ST6GAL1: variants seen among roughly 807,000 people sequenced by gnomAD.
ST6GAL1 encodes ST6 beta-galactoside alpha-2,6-sialyltransferase 1.
ST6GAL1 carries 20 observed loss-of-function variants against 38.0 expected under a neutral mutation model. That is an observed-to-expected ratio of 0.53 (90% CI 0.37 to 0.77). The LOEUF (loss-of-function observed/expected upper bound fraction) is 0.77, where lower values mean the gene tolerates loss of function less well. Ranked by LOEUF, ST6GAL1 falls within the 30% of genes least tolerant of loss-of-function variation. ST6GAL1 has a pLI of 0.00. For synonymous variants in ST6GAL1, 196 were observed against 188.2 expected (o/e 1.04, Z -0.34); for missense variants, 432 against 496.4 (o/e 0.87, Z 1.23).
rs58334319 is a variant in ST6GAL1, at chr3:187,065,005, CTT to C, written c.706-7830_706-7829del. On this transcript the variant is annotated intron_variant, in intron 5 of 7. Coordinates refer to ENST00000169298, the MANE Select transcript of ST6GAL1 (RefSeq NM_173216.2). ...TCCTGACAGCAGCTCTCTTCTTTTTCTTTTTTTTTTTTTTTGAGACAGAGTTT... is the reference window on the plus strand; with the variant it reads ...TCCTGACAGCAGCTCTCTTCTTTTTCTTTTTTTTTTTTTGAGACAGAGTTT... 1.8e-3 allele frequency among the ~76,000 whole-genome samples: 253 copies of C among 139,252 alleles called. 1 individual carries two copies. Among genetic ancestry groups the C allele is most frequent in the African/African-American group, 1.8e-3 (70 of 38,170 alleles). The allele number at this position is 139,252 out of a possible 152,430, so 91.4% of individuals were successfully genotyped here. A position where few individuals can be genotyped will look rare whatever the true frequency, so the allele number is the denominator to read the frequency against.
intron 1 of ST6GAL1, among the ~76,000 whole-genome samples, chr3:186,937,032 T>C (rs1490830463): frequency 1.3e-5 from 2 of 149,630 alleles, no homozygotes; most frequent in African/African-American, 4.9e-5. Flanking sequence ...CAGAAAAAAA[T>C]TCCGCTATCC....
At chr3:186,965,377 G>A (rs1300953634) in intron 2 of ST6GAL1, among the ~76,000 whole-genome samples, 1 of 152,180 alleles carries the variant, frequency 6.6e-6, no homozygotes, top group East Asian at 1.9e-4. Flanking sequence ...CCCTGCTGTT[G>A]CAGCAGATTA....
At chr3:186,954,398 A>T (rs958325463) in intron 1 of ST6GAL1, among the ~76,000 whole-genome samples, 2 of 152,088 alleles carry the variant, frequency 1.3e-5, no homozygotes, top group Non-Finnish European at 2.9e-5. Flanking sequence ...ATCTTTGAGG[A>T]CTCACCACAC....
chr3:187,023,776 C>T (rs1046834430), intron 2 of ST6GAL1, among the ~76,000 whole-genome samples: 1 of 151,748 alleles, frequency 6.6e-6, no homozygotes, highest in Non-Finnish European at 1.5e-5. Context: ...GGAGATATAC[C>T]TAATGCTAAA....
At chr3:187,053,594 A>C (rs188648972) in intron 5 of ST6GAL1, among the ~76,000 whole-genome samples, 1 of 152,294 alleles carries the variant, frequency 6.6e-6, no homozygotes, top group African/African-American at 2.4e-5. Flanking sequence ...GGTTTGTCAA[A>C]GATCAGATGG....
At chr3:186,967,688 C>T (rs1352845680) in intron 2 of ST6GAL1, among the ~76,000 whole-genome samples, 3 of 152,164 alleles carry the variant, frequency 2.0e-5, no homozygotes, top group African/African-American at 7.2e-5. Context: ...CAGCAGGGCA[C>T]TCAGAACATG....
chr3:186,934,447 AGCTACCTGGGAGG>A lies in ST6GAL1; in HGVS notation c.-325+3614_-325+3626del, dbSNP rs569157535. ...CATGGTGGCGTACTCCTGTGGTCCC[AGCTACCTGGGAGG>A]CTGAGACAGGAGAATCGCTGGAGCC... On this transcript the variant is annotated intron_variant, in intron 1 of 7. Coordinates refer to ENST00000169298, the MANE Select transcript of ST6GAL1 (RefSeq NM_173216.2). 7.4e-4 allele frequency among the ~76,000 whole-genome samples: 107 copies of A among 144,462 alleles called. 2 individuals are homozygous for A. Among genetic ancestry groups the A allele is most frequent in the Admixed American group, 6.7e-3 (96 of 14,424 alleles). 94.8% of individuals were successfully genotyped at this position (144,462 alleles called of 152,430 possible). A position where few individuals can be genotyped will look rare whatever the true frequency, so the allele number is the denominator to read the frequency against.
chr3:187,000,747 A>G (rs1371156373), intron 2 of ST6GAL1, among the ~76,000 whole-genome samples: 2 of 152,148 alleles, frequency 1.3e-5, no homozygotes, highest in African/African-American at 4.8e-5. Context: ...AGGCACCCAC[A>G]CATTTATGTT....
chr3:186,993,619 CTAAGAGGCCTAGGTAAA>C (rs1716259867), intron 2 of ST6GAL1, among the ~76,000 whole-genome samples: 1 of 150,876 alleles, frequency 6.6e-6, no homozygotes, highest in African/African-American at 2.4e-5. Context: ...TTTTAGAAAA[CTAAGAGGCCTAGGTAAA>C]TAACTGTGCC....
intron 2 of ST6GAL1, among the ~76,000 whole-genome samples, chr3:186,966,357 A>G (rs1715116017): frequency 6.6e-6 from 1 of 152,226 alleles, no homozygotes; most frequent in South Asian, 2.1e-4. Context: ...CAAGGTATCT[A>G]TCCCATGTCA....
At chr3:187,004,312 A>G (rs754439740) in intron 2 of ST6GAL1, among the ~76,000 whole-genome samples, 1 of 152,244 alleles carries the variant, frequency 6.6e-6, no homozygotes, top group Non-Finnish European at 1.5e-5. Context: ...ATTTATAGCA[A>G]TGGAAGAACA....
At chr3:187,058,908 T>C (rs1380468067) in intron 5 of ST6GAL1, among the ~76,000 whole-genome samples, 1 of 152,154 alleles carries the variant, frequency 6.6e-6, no homozygotes, top group East Asian at 1.9e-4. Context: ...CCTGAAGTGT[T>C]AGTATTACAG....
At chr3:186,946,023 C>T in intron 1 of ST6GAL1, among the ~76,000 whole-genome samples, 1 of 119,008 alleles carries the variant, frequency 8.4e-6, no homozygotes, top group Non-Finnish European at 1.8e-5. Flanking sequence ...GGTACCTTTT[C>T]TGGCCGGGCG....
At chr3:186,997,924 G>A (rs1716476407) in intron 2 of ST6GAL1, among the ~76,000 whole-genome samples, 1 of 152,100 alleles carries the variant, frequency 6.6e-6, no homozygotes, top group Non-Finnish European at 1.5e-5. Context: ...TGCATACGTA[G>A]TTTTCAGATT....
rs1560188418 is a variant in ST6GAL1 at position 187,076,685 on chromosome 3, TG to T, written c.*884del. On this transcript the variant is annotated 3_prime_UTR_variant, in exon 8 of 8. Transcript: ENST00000169298. Reference sequence around the variant, plus strand: ...GAGTCTTAGAGGAAGAGAAGAAACATGGCAAGCAGATTACATCTGAGCCGTT... The same window carrying T: ...GAGTCTTAGAGGAAGAGAAGAAACATGCAAGCAGATTACATCTGAGCCGTT... 2 of 397,164 alleles carry T rather than the reference TG, an allele frequency of 5.0e-6. No individual in the cohort carries two copies. The highest frequency in any genetic ancestry group is 8.9e-6 in the Non-Finnish European group (2 of 225,806). The allele number at this position is 397,164 out of a possible 1,614,324, so 24.6% of individuals were successfully genotyped here.
chr3:186,996,383 T>A (rs1579307172), intron 2 of ST6GAL1, among the ~76,000 whole-genome samples: 2 of 152,360 alleles, frequency 1.3e-5, no homozygotes, highest in African/African-American at 2.4e-5. Flanking sequence ...CATGATGGCA[T>A]AGCTTTGTGC....
chr3:187,058,632 T>TTTATTA lies in ST6GAL1; in HGVS notation c.705+7307_705+7312dup, dbSNP rs140207844. Among the ~76,000 whole-genome samples the TTTATTA allele has an allele frequency of 4.0e-5, 6 of 149,748 alleles. No homozygotes were observed. The East Asian group carries it at 7.8e-4, about 20-fold the overall frequency. ...TTATATTTTGGCTTTTGGTATTACT[T>TTTATTA]TTATTATTATTATTATTATTATTAT... On this transcript the variant is annotated intron_variant, in intron 5 of 7. Coordinates refer to ENST00000169298, the MANE Select transcript of ST6GAL1 (RefSeq NM_173216.2).
chr3:187,051,820 C>T (rs1718525284), intron 5 of ST6GAL1, among the ~76,000 whole-genome samples: 1 of 152,038 alleles, frequency 6.6e-6, no homozygotes, highest in African/African-American at 2.4e-5. Flanking sequence ...CATAAATTCC[C>T]CTGGATAATT....
chr3:187,003,211 C>T (rs1241460699), intron 2 of ST6GAL1, among the ~76,000 whole-genome samples: 3 of 152,180 alleles, frequency 2.0e-5, no homozygotes, highest in Non-Finnish European at 4.4e-5. Context: ...AAACAATGCC[C>T]CAGCTCAAGG....
Sources: gnomAD v4.1 joint callset for allele counts (sites outside exome capture counted in the v4.1 genomes callset) on GRCh38, gnomAD v4.1.1 for gene constraint, MANE v1.5 for transcripts, NCBI Gene and HGNC (gene_info 2026-07-23, HGNC 2026-07-21) for gene names.